Variants in ITGAV observed in about 807,000 individuals in gnomAD.
ITGAV encodes integrin subunit alpha V, also known as integrin alpha-V.
A neutral mutation model predicts 143.8 loss-of-function variants in ITGAV; 76 were observed. That is an observed-to-expected ratio of 0.53 (90% CI 0.44 to 0.64). The LOEUF is 0.64. Ranked by LOEUF, ITGAV falls within the 30% of genes least tolerant of loss-of-function variation. The probability of loss-of-function intolerance (pLI) is 0.00; values close to 1 mark genes in which losing one functional copy is unlikely to be tolerated. For missense variants in ITGAV, 1,193 were observed against 1,274.7 expected, an observed-to-expected ratio of 0.94 and a Z score of 0.98; for synonymous variants, 453 against 446.7, an observed-to-expected ratio of 1.01 and a Z score of -0.18.
rs199568519 is a variant in ITGAV, at chr2:186,676,807, C to T, written c.2929-6C>T. On this transcript the variant is annotated splice_polypyrimidine_tract_variant and splice_region_variant and intron_variant, in intron 28 of 29. Coordinates refer to ENST00000261023, the MANE Select transcript of ITGAV (RefSeq NM_002210.5). ...TTTTAAAACTAAAAGCTTTTTTCCT[C>T]GATAGGTTACCACTAATGTCACCTG... The T allele has an allele frequency of 3.2e-5, 51 of 1,609,218 alleles. No individual in the cohort carries two copies. The highest frequency in any genetic ancestry group is 1.7e-4 in the Admixed American group (10 of 58,638).
intron 2 of ITGAV, among the ~76,000 whole-genome samples, chr2:186,617,759 T>G (rs1687406669): frequency 6.6e-6 from 1 of 152,348 alleles, no homozygotes; most frequent in Non-Finnish European, 1.5e-5. Context: ...TATTTTATTG[T>G]GTGAGATACT....
At chr2:186,594,705 A>G (rs1686700316) in intron 1 of ITGAV, among the ~76,000 whole-genome samples, 3 of 152,214 alleles carry the variant, frequency 2.0e-5, no homozygotes, top group African/African-American at 7.2e-5. Flanking sequence ...GTCACTTGCA[A>G]TCTGTCCCAA....
At chr2:186,597,288 AAG>A (rs1226506505) in intron 1 of ITGAV, among the ~76,000 whole-genome samples, 1 of 152,332 alleles carries the variant, frequency 6.6e-6, no homozygotes, top group African/African-American at 2.4e-5. Flanking sequence ...CAAGTAAAGA[AAG>A]TATCTGAAAC....
At chr2:186,664,417 T>C (rs1688829677) in intron 19 of ITGAV, 77 bp from the exon 20 acceptor site, 2 of 1,378,886 alleles carry the variant, frequency 1.5e-6, no homozygotes, top group East Asian at 4.6e-5. Context: ...TGTATTTATC[T>C]CTTCTTTCTT....
chr2:186,668,906 C>A lies in ITGAV; in HGVS notation c.2578C>A (p.Pro860Thr), dbSNP rs1483113329. Residue 860 changes from proline to threonine, a missense_variant, in exon 25 of 30, where the codon CCT becomes ACT. By Grantham distance (38) the Pro-to-Thr change is conservative. Coordinates refer to ENST00000261023, the MANE Select transcript of ITGAV (RefSeq NM_002210.5). The part of the protein sequence containing the change: ...MNCTSDMEIN[P>T]LRIKISSLQT... ...CTGCACTTCAGATATGGAGATCAAC[C>A]CTTTGAGAATTAAGGTAATATGCTT... The A allele has an allele frequency of 1.9e-6, 3 of 1,607,868 alleles. No individual in the cohort carries two copies. Among genetic ancestry groups the A allele is most frequent in the Non-Finnish European group, 2.5e-6 (3 of 1,177,394 alleles).
chr2:186,625,209 T>TA lies in ITGAV; in HGVS notation c.409-257dup, dbSNP rs869305014. On this transcript the variant is annotated intron_variant, in intron 3 of 29. Coordinates refer to ENST00000261023, the MANE Select transcript of ITGAV (RefSeq NM_002210.5). The stretch of plus-strand genomic sequence containing the variant: ...GAAACATAGTGAGACCCCGTTTCTA[T>TA]AAAAAAATTTTTAAAAATTAGCCAG... 2.0e-5 allele frequency among the ~76,000 whole-genome samples: 3 copies of TA among 151,878 alleles called. No individual in the cohort carries two copies. In the South Asian group the frequency reaches 6.2e-4, roughly 32 times the overall value.
At chr2:186,643,541 G>T (rs1430958208) in intron 12 of ITGAV, among the ~76,000 whole-genome samples, 1 of 152,122 alleles carries the variant, frequency 6.6e-6, no homozygotes, top group South Asian at 2.1e-4. Flanking sequence ...GTTCATACAT[G>T]AAGACATTAA....
intron 14 of ITGAV, among the ~76,000 whole-genome samples, chr2:186,651,743 G>C (rs1445682917): frequency 6.6e-6 from 1 of 152,090 alleles, no homozygotes; most frequent in Non-Finnish European, 1.5e-5. Context: ...GTCCCACTTT[G>C]TCTGGAACTG....
Position 186,630,855 on chromosome 2 carries a change from T to G in ITGAV, c.582T>G (p.Thr194=), listed in dbSNP as rs747658906. Residue 194 remains threonine, a synonymous_variant, in exon 5 of 30, where the codon ACT becomes ACG. Coordinates refer to ENST00000261023, the MANE Select transcript of ITGAV (RefSeq NM_002210.5). ...FCQGGFSIDF[T]KADRVLLGGP... ...AAGGAGGATTCAGCATTGATTTTACTAAAGTAAGTTCTTATTTAAGACTGA... is the reference window on the plus strand; with the variant it reads ...AAGGAGGATTCAGCATTGATTTTACGAAAGTAAGTTCTTATTTAAGACTGA... 6.5e-7 allele frequency: 1 copy of G among 1,537,176 alleles called. No homozygotes were observed. Among genetic ancestry groups the G allele is most frequent in the South Asian group, 1.1e-5 (1 of 88,484 alleles).
At chr2:186,666,455 A>T (rs951871181) in intron 21 of ITGAV, among the ~76,000 whole-genome samples, 4 of 152,200 alleles carry the variant, frequency 2.6e-5, no homozygotes, top group Non-Finnish European at 5.9e-5. Flanking sequence ...TTTTAGAAAG[A>T]TGGTTAGTAT....
intron 2 of ITGAV, among the ~76,000 whole-genome samples, chr2:186,620,838 A>G: frequency 6.6e-6 from 1 of 152,218 alleles, no homozygotes; most frequent in South Asian, 2.1e-4. Flanking sequence ...AATGAAAATG[A>G]TACTATAGGT....
intron 14 of ITGAV, among the ~76,000 whole-genome samples, chr2:186,651,377 T>A (rs1219960286): frequency 6.6e-6 from 1 of 152,210 alleles, no homozygotes; most frequent in Non-Finnish European, 1.5e-5. Context: ...TAATTTATTG[T>A]TTTTAGTTTT....
chr2:186,645,381 G>A (rs1002370435), intron 12 of ITGAV, among the ~76,000 whole-genome samples: 1 of 151,990 alleles, frequency 6.6e-6, no homozygotes, highest in Non-Finnish European at 1.5e-5. Context: ...GCAAATACAA[G>A]CCCATAGTTG....
At position 186,675,717 on chromosome 2, in the gene ITGAV, T is replaced by A. The variant is rs145339092; in HGVS notation, c.2820T>A (p.Asn940Lys). 5.0e-6 allele frequency: 8 copies of A among 1,604,824 alleles called. No individual in the cohort carries two copies. The highest frequency in any genetic ancestry group is 6.8e-6 in the Non-Finnish European group (8 of 1,171,550). The change falls in exon 27 of 30, where the codon AAT becomes AAA. Residue 940 changes from asparagine to lysine, a missense_variant and splice_region_variant. By Grantham distance (94) the Asn-to-Lys change is moderately conservative. Coordinates refer to ENST00000261023, the MANE Select transcript of ITGAV (RefSeq NM_002210.5). ...KSLLWTETFM[N>K]KENQNHSYSL... The stretch of plus-strand genomic sequence containing the variant: ...TACTGTGGACTGAGACTTTTATGAA[T>A]GTAAGTAGACAGGTGCAGCATTTAG...
chr2:186,590,197 G>A lies in ITGAV; in HGVS notation c.-142G>A, dbSNP rs766724341. 7.7e-6 allele frequency: 5 copies of A among 647,558 alleles called. No individual in the cohort carries two copies. Among genetic ancestry groups the A allele is most frequent in the Non-Finnish European group, 1.1e-5 (5 of 435,922 alleles). The allele number at this position is 647,558 out of a possible 1,614,324, so 40.1% of individuals were successfully genotyped here. A position where few individuals can be genotyped will look rare whatever the true frequency, so the allele number is the denominator to read the frequency against. On this transcript the variant is annotated 5_prime_UTR_variant, in exon 1 of 30. Coordinates refer to ENST00000261023, the MANE Select transcript of ITGAV (RefSeq NM_002210.5). ...AAGCTCAGCCCTCTTGCCTGCCCCG[G>A]AGCTGTCCCGGGCTAGCCGAGAAGA...
At chr2:186,673,957 C>T (rs1358334936) in intron 26 of ITGAV, among the ~76,000 whole-genome samples, 2 of 152,082 alleles carry the variant, frequency 1.3e-5, no homozygotes, top group African/African-American at 4.8e-5. Context: ...AAATGTGAGC[C>T]ACTGTGCCTG....
In ITGAV at chr2:186,636,127, A is replaced by G; in HGVS notation, c.677A>G (p.Asp226Gly). ...DQVAEIVSKYDPNVYSIKYNN... is the reference protein window; with the variant it reads ...DQVAEIVSKYGPNVYSIKYNN... ...GTGGCAGAAATCGTATCTAAATACGACCCCAATGTTTACAGCATCAAGTAT... is the reference window on the plus strand; with the variant it reads ...GTGGCAGAAATCGTATCTAAATACGGCCCCAATGTTTACAGCATCAAGTAT... Residue 226 changes from aspartate to glycine, a missense_variant, in exon 7 of 30, where the codon GAC (aspartate) becomes GGC (glycine). Asp to Gly is a moderately conservative substitution (Grantham distance 94). Coordinates refer to ENST00000261023, the MANE Select transcript of ITGAV (RefSeq NM_002210.5). 1 of 1,613,370 alleles carries G rather than the reference A, an allele frequency of 6.2e-7. No individual in the cohort carries two copies. The highest frequency in any genetic ancestry group is 8.5e-7 in the Non-Finnish European group (1 of 1,179,612).
chr2:186,622,515 T>G (rs1437271231), intron 3 of ITGAV, 85 bp downstream of exon 3: 1 of 870,348 alleles, frequency 1.1e-6, no homozygotes, highest in Non-Finnish European at 1.9e-6. Flanking sequence ...AGGCTGATAG[T>G]AAAATTCAGT....
At chr2:186,663,068 C>A (rs1688791426) in intron 18 of ITGAV, among the ~76,000 whole-genome samples, 1 of 152,070 alleles carries the variant, frequency 6.6e-6, no homozygotes, top group Non-Finnish European at 1.5e-5. Flanking sequence ...CTGTTTCTCT[C>A]TTTTGGGTGT....
Sources: allele counts gnomAD v4.1 joint callset (sites outside exome capture counted in the v4.1 genomes callset), GRCh38; gene constraint gnomAD v4.1.1; transcripts MANE v1.5; gene names NCBI Gene and HGNC (gene_info 2026-07-23, HGNC 2026-07-21).